PSD3: variants seen among roughly 807,000 people sequenced by gnomAD.
PSD3 encodes PH and SEC7 domain-containing protein 3.
In PSD3, 49 loss-of-function variants were observed where a neutral mutation model predicts 105.5. The observed-to-expected ratio is 0.46, with a 90% CI of 0.37 to 0.59. The LOEUF (loss-of-function observed/expected upper bound fraction) is 0.59, where lower values mean the gene tolerates loss of function less well. Ranked by LOEUF, PSD3 falls within the 20% of genes least tolerant of loss-of-function variation. The pLI, the probability that PSD3 is intolerant of heterozygous loss-of-function variation, is 0.00. For synonymous variants in PSD3, 557 were observed against 457.8 expected, an observed-to-expected ratio of 1.22 and a Z score of -2.77; for missense variants, 1,561 against 1,263.8, an observed-to-expected ratio of 1.24 and a Z score of -3.57.
intron 9 of PSD3, among the ~76,000 whole-genome samples, chr8:18,724,920 G>A (rs914403659): frequency 2.6e-5 from 4 of 152,134 alleles, no homozygotes; most frequent in African/African-American, 9.7e-5. Context: ...GATGTGGAAT[G>A]GGCAGGTGGG....
intron 9 of PSD3, among the ~76,000 whole-genome samples, chr8:18,667,093 A>T (rs1056213839): frequency 4.6e-5 from 7 of 152,052 alleles, no homozygotes; most frequent in Non-Finnish European, 8.8e-5. Context: ...TACAGCTCAT[A>T]AAGGCAGTGT....
At chr8:18,710,608 C>A (rs1214347598) in intron 9 of PSD3, among the ~76,000 whole-genome samples, 1 of 151,986 alleles carries the variant, frequency 6.6e-6, no homozygotes, top group Non-Finnish European at 1.5e-5. Context: ...AGGTCACTTA[C>A]AAAGGGAAGC....
At chr8:19,043,515 G>A (rs1475463257) in intron 1 of PSD3, among the ~76,000 whole-genome samples, 1 of 152,100 alleles carries the variant, frequency 6.6e-6, no homozygotes, top group Non-Finnish European at 1.5e-5. Flanking sequence ...AGTTGTTGGG[G>A]GAAATAACAT....
In PSD3 at chr8:19,077,793, C is replaced by T. The variant is rs527348902; in HGVS notation, c.324+6413G>A. ...TATTTATGCTTATTTAATAGACATGCTAAGTCATAAGGTACAGTTCAAGGT... is the reference window on the plus strand; with the variant it reads ...TATTTATGCTTATTTAATAGACATGTTAAGTCATAAGGTACAGTTCAAGGT... On this transcript the variant is annotated intron_variant, in intron 1 of 1. Transcript: ENST00000521475. Among the ~76,000 whole-genome samples the T allele has an allele frequency of 1.3e-3, 200 of 152,172 alleles. 2 individuals carry two copies. The highest frequency in any genetic ancestry group is 0.013 in the South Asian group (63 of 4,820).
At chr8:18,798,196 C>G (rs1347912417) in intron 8 of PSD3, among the ~76,000 whole-genome samples, 3 of 152,132 alleles carry the variant, frequency 2.0e-5, no homozygotes, top group African/African-American at 7.2e-5. Flanking sequence ...AAGAATGCTT[C>G]CTGAAAGTAT....
At chr8:18,738,669 G>C (rs1804333584) in intron 9 of PSD3, among the ~76,000 whole-genome samples, 1 of 152,058 alleles carries the variant, frequency 6.6e-6, no homozygotes, top group Non-Finnish European at 1.5e-5. Flanking sequence ...CTTACTCTCA[G>C]CAATAAAGAC....
At chr8:18,576,471 A>G (rs1296788920) in intron 12 of PSD3, among the ~76,000 whole-genome samples, 1 of 152,174 alleles carries the variant, frequency 6.6e-6, no homozygotes, top group African/African-American at 2.4e-5. Context: ...ATTTATATGT[A>G]CCTGTTACTA....
chr8:18,730,375 C>T (rs1369158464), intron 9 of PSD3: 1 of 152,120 alleles, frequency 6.6e-6, no homozygotes, highest in Admixed American at 6.5e-5. Context: ...AACATATACA[C>T]CCCACGTTAT....
chr8:18,596,974 G>T (rs1219509060), intron 12 of PSD3, among the ~76,000 whole-genome samples: 3 of 152,098 alleles, frequency 2.0e-5, no homozygotes, highest in Non-Finnish European at 4.4e-5. Context: ...CATTTTATGA[G>T]GCCAGCATGA....
chr8:18,811,895 G>A (rs1811720250), intron 4 of PSD3, among the ~76,000 whole-genome samples: 1 of 152,148 alleles, frequency 6.6e-6, no homozygotes, highest in Admixed American at 6.5e-5. Flanking sequence ...ATTCCATTTA[G>A]TAACAGAATA....
intron 2 of PSD3, among the ~76,000 whole-genome samples, chr8:18,885,246 T>C (rs1255638460): frequency 6.6e-6 from 1 of 152,158 alleles, no homozygotes; most frequent in Non-Finnish European, 1.5e-5. Flanking sequence ...CTTTTAAAAA[T>C]CCAATTGTAA....
chr8:18,624,472 C>T (rs370090936), intron 11 of PSD3, among the ~76,000 whole-genome samples: 8 of 131,980 alleles, frequency 6.1e-5, no homozygotes, highest in Admixed American at 1.9e-4. Context: ...TAAAATTTCT[C>T]GGGAATTGAA....
chr8:19,017,917 A>G (rs1024102291), upstream of PSD3, among the ~76,000 whole-genome samples: 2 of 152,142 alleles, frequency 1.3e-5, no homozygotes, highest in African/African-American at 4.8e-5. Context: ...TCTCTTTTCC[A>G]TTCTACCTAG....
intron 1 of PSD3, among the ~76,000 whole-genome samples, chr8:18,960,893 TGG>T (rs369494051): frequency 2.6e-5 from 4 of 152,188 alleles, no homozygotes; most frequent in African/African-American, 9.6e-5. Context: ...GAGATCAGCC[TGG>T]GCAACGTGGT....
intron 4 of PSD3, among the ~76,000 whole-genome samples, chr8:18,828,687 G>A (rs1316596904): frequency 1.3e-5 from 2 of 152,044 alleles, no homozygotes; most frequent in East Asian, 1.9e-4. Flanking sequence ...GGGGCTGGGC[G>A]AGGTGGCTCA....
intron 14 of PSD3, among the ~76,000 whole-genome samples, chr8:18,560,813 C>T (rs1275524195): frequency 6.6e-6 from 1 of 152,042 alleles, no homozygotes; most frequent in African/African-American, 2.4e-5. Flanking sequence ...TCATTGTATC[C>T]CCTTCAAACT....
At chr8:18,667,948 A>T (rs1413382045) in intron 9 of PSD3, among the ~76,000 whole-genome samples, 1 of 152,200 alleles carries the variant, frequency 6.6e-6, no homozygotes, top group Non-Finnish European at 1.5e-5. Context: ...TCACTGCCCG[A>T]GGCCAGCGGC....
At chr8:18,930,472 C>T (rs1052038945) in intron 2 of PSD3, among the ~76,000 whole-genome samples, 8 of 152,102 alleles carry the variant, frequency 5.3e-5, no homozygotes, top group African/African-American at 1.9e-4. Context: ...CAAGTCTTTA[C>T]ATTGGCATAC....
At chr8:18,709,737 A>G (rs1215407639) in intron 9 of PSD3, among the ~76,000 whole-genome samples, 4 of 152,182 alleles carry the variant, frequency 2.6e-5, no homozygotes. Flanking sequence ...GAACCCCAGA[A>G]ACCACAGCAG....
Sources: gnomAD v4.1 joint callset for allele counts (sites outside exome capture counted in the v4.1 genomes callset) on GRCh38, gnomAD v4.1.1 for gene constraint, MANE v1.5 for transcripts, NCBI Gene and HGNC (gene_info 2026-07-23, HGNC 2026-07-21) for gene names.